Variants in KMT2D observed in about 807,000 individuals in gnomAD.
KMT2D encodes histone-lysine N-methyltransferase 2D.
Under a neutral mutation model 512.7 loss-of-function variants are expected in KMT2D, and 55 were observed. The ratio of observed to expected loss-of-function variants is 0.11; its 90% confidence interval spans 0.09 to 0.13. The LOEUF (loss-of-function observed/expected upper bound fraction) is 0.13. Among genes scored for constraint, KMT2D ranks in the 10% least tolerant of loss-of-function variants. The pLI is 1.00. For synonymous variants in KMT2D, 2,995 were observed against 2,904.0 expected (o/e 1.03, Z -1.01); for missense variants, 6,061 against 7,127.9 (o/e 0.85, Z 5.39).
At position 49,053,066 on chromosome 12, in the gene KMT2D, G is replaced by C; in HGVS notation, c.961C>G (p.Arg321Gly). ...CCCGCCCCACAGGCCCGGCACACCCGGCACGCCTAAGGGAAGGGAGTGGGC... is the reference window on the plus strand; with the variant it reads ...CCCGCCCCACAGGCCCGGCACACCCCGCACGCCTAAGGGAAGGGAGTGGGC... ...PAHSWKCKAC[R>G]VCRACGAGSA... Residue 321 changes from arginine (R) to glycine (G), a missense_variant, in exon 9 of 55, where the codon CGG becomes GGG. Arg to Gly is a moderately radical substitution (Grantham distance 125). Transcript: ENST00000301067. The C allele has an allele frequency of 6.2e-7, 1 of 1,614,022 alleles. No homozygotes were observed. Among genetic ancestry groups the C allele is most frequent in the Non-Finnish European group, 8.5e-7 (1 of 1,179,882 alleles).
rs1943476462 is a variant in KMT2D at position 49,040,776 on chromosome 12, T to C, written c.6994A>G (p.Thr2332Ala). Residue 2332 changes from threonine (T) to alanine (A), a missense_variant, in exon 32 of 55, where the codon ACC becomes GCC. Thr to Ala is a moderately conservative substitution (Grantham distance 58). This residue lies in a region of KMT2D where 710 missense variants were observed against 647.3 expected (regional missense o/e 1.10). Transcript: ENST00000301067. ...GGCTCTACCTGAGATGCCCGAGGGG[T>C]CAGGGGGGCTTTGAAGACATCAGGT... ...KTPDVFKAPL[T>A]PRASQVEPQS... is the part of the protein sequence containing the mutation. 4.3e-6 allele frequency: 7 copies of C among 1,612,414 alleles called. No homozygotes were observed. The highest frequency in any genetic ancestry group is 5.9e-6 in the Non-Finnish European group (7 of 1,179,470).
Position 49,054,416 on chromosome 12 carries a change from C to T in KMT2D, c.401G>A (p.Gly134Glu), listed in dbSNP as rs757959082. Residue 134 changes from glycine (G) to glutamate (E), a missense_variant and splice_region_variant, in exon 5 of 55, where the codon GGG becomes GAG. This residue lies in a region of KMT2D where 9 missense variants were observed against 31.6 expected (regional missense o/e 0.29). Coordinates refer to ENST00000301067, the MANE Select transcript of KMT2D (RefSeq NM_003482.4). This position sits in a 1 kb window ranked among gnomAD's most constrained non-coding sequence, Gnocchi z 6.4. ...LTPAHLGEPG[G>E]SCWAHHWCAA... ...ACACCAATGGTGAGCCCAGCAGGAC[C>T]CTTTACAGGTGGGAAGAGGTAAAGA... 6.3e-7 allele frequency: 1 copy of T among 1,583,224 alleles called. No homozygotes were observed. Among genetic ancestry groups the T allele is most frequent in the East Asian group, 2.3e-5 (1 of 43,250 alleles).
At position 49,022,360 on chromosome 12, in the gene KMT2D, A is replaced by T; in HGVS notation, c.16339-7T>A. ...ACATGTAGATGCCTCGATTCTAGAA[A>T]GGCAGAGGTTGCAGAAGAAGGGACA... On this transcript the variant is annotated splice_polypyrimidine_tract_variant and splice_region_variant and intron_variant, in intron 52 of 54. Transcript: ENST00000301067. This position sits in a 1 kb window ranked among gnomAD's most constrained non-coding sequence, Gnocchi z 8.6. 3 of 1,601,470 alleles carry T rather than the reference A, an allele frequency of 1.9e-6. No individual in the cohort carries two copies. The South Asian group carries it at 3.3e-5, about 18-fold the overall frequency.
Position 49,029,458 on chromosome 12 carries a change from C to T in KMT2D, c.14018G>A (p.Ser4673Asn). 1 of 1,555,986 alleles carries T rather than the reference C, an allele frequency of 6.4e-7. No homozygotes were observed. Residue 4673 changes from serine (S) to asparagine (N), a missense_variant, in exon 44 of 55, where the codon AGT becomes AAT. Physicochemically the swap from Ser to Asn is conservative, Grantham distance 46. Transcript: ENST00000301067. ...RALRDTSEVK[S>N]LDLLAALPTP... ...AGGCAAGGCAGCCAGCAGGTCTAGA[C>T]TCTTCACCTCTGAAGTATCTGAGGG...
intron 44 of KMT2D, 40 bp downstream of exon 44, chr12:49,029,361 C>G (rs1278805336): frequency 4.5e-6 from 7 of 1,556,164 alleles, no homozygotes; most frequent in Middle Eastern, 3.3e-4. Flanking sequence ...ACCTGTACCC[C>G]ACCCTTGTTC....
In KMT2D at chr12:49,042,699, GC is replaced by G; in HGVS notation, c.5782+41del. 6.2e-7 allele frequency: 1 copy of G among 1,609,048 alleles called. No individual in the cohort carries two copies. The highest frequency in any genetic ancestry group is 2.2e-5 in the East Asian group (1 of 44,768). On this transcript the variant is annotated intron_variant, in intron 27 of 54. Coordinates refer to ENST00000301067, the MANE Select transcript of KMT2D (RefSeq NM_003482.4). This position sits in a 1 kb window ranked among gnomAD's most constrained non-coding sequence, Gnocchi z 4.4. ...AGCAACTGGCCCATCCTGGAGGCAA[GC>G]TTGGTTATGTCAGTCTTCAGACCAC...
In KMT2D at chr12:49,038,985, G is replaced by C. The variant is rs1436173183; in HGVS notation, c.8371C>G (p.Leu2791Val). The C allele has an allele frequency of 6.4e-7, 1 of 1,551,888 alleles. No individual in the cohort carries two copies. The highest frequency in any genetic ancestry group is 1.2e-5 in the South Asian group (1 of 84,134). Reference protein sequence around the residue: ...PSSMDVNSRQLVGGSQAFYQR... With the variant: ...PSSMDVNSRQVVGGSQAFYQR... ...TAGAAAGCTTGGGAGCCTCCTACCA[G>C]TTGCCTGGAAGAATATACAGTAGTC... The change falls in exon 35 of 55, where the codon CTG (leucine) becomes GTG (valine). Residue 2791 changes from leucine (L) to valine (V), a missense_variant. Coordinates refer to ENST00000301067, the MANE Select transcript of KMT2D (RefSeq NM_003482.4). The surrounding 1 kb of genome is among the most constrained non-coding windows in gnomAD (Gnocchi z 5.7).
Position 49,054,093 on chromosome 12 carries a change from T to G in KMT2D, c.558A>C (p.Ser186=), listed in dbSNP as rs746898212. 6.2e-7 allele frequency: 1 copy of G among 1,613,500 alleles called. No homozygotes were observed. The highest frequency in any genetic ancestry group is 1.1e-5 in the South Asian group (1 of 91,010). ...TRLGASIPCR[S]PGCPRLYHFP... is the part of the protein sequence containing the mutation. ...AGTGGTAAAGCCGTGGACATCCAGG[T>G]GAGCGGCAAGGGATGGAGGCACCGA... The change falls in exon 6 of 55, where the codon TCA becomes TCC. Residue 186 remains serine, a synonymous_variant. Transcript: ENST00000301067. This position sits in a 1 kb window ranked among gnomAD's most constrained non-coding sequence, Gnocchi z 6.4.
Position 49,019,291 on chromosome 12 carries a change from G to A in KMT2D, c.*2489C>T, listed in dbSNP as rs944469173. 4.9e-5 allele frequency: 23 copies of A among 467,794 alleles called. No homozygotes were observed. The highest frequency in any genetic ancestry group is 1.3e-4 in the African/African-American group (6 of 46,618). The allele number at this position is 467,794 out of a possible 1,614,324, so 29.0% of individuals were successfully genotyped here. On this transcript the variant is annotated 3_prime_UTR_variant, in exon 55 of 55. Transcript: ENST00000301067. ...AAGGGGGAGGGTCCTGGAGGTGAGG[G>A]GAGAAGACTGTAAAGGGGAAAACTG...
Position 49,028,029 on chromosome 12 carries a change from T to C in KMT2D, c.14495A>G (p.Lys4832Arg), listed in dbSNP as rs1942695227. The change falls in exon 47 of 55, where the codon AAG (lysine) becomes AGG (arginine). Residue 4832 changes from lysine to arginine, a missense_variant. Coordinates refer to ENST00000301067, the MANE Select transcript of KMT2D (RefSeq NM_003482.4). The part of the protein sequence containing the change: ...SPARAGTEPK[K>R]GEAEGPGGKE... Reference sequence around the variant, plus strand: ...CTCACCAGGACCCTCAGCTTCCCCCTTCTTTGGCTCAGTGCCTGCCCGGGC... The same window carrying C: ...CTCACCAGGACCCTCAGCTTCCCCCCTCTTTGGCTCAGTGCCTGCCCGGGC... 6.2e-7 allele frequency: 1 copy of C among 1,613,274 alleles called. No individual in the cohort carries two copies. Among genetic ancestry groups the C allele is most frequent in the Non-Finnish European group, 8.5e-7 (1 of 1,179,596 alleles).
rs1242619895 is a variant in KMT2D at position 49,026,145 on chromosome 12, C to T, written c.15784+37G>A. 7.9e-6 allele frequency: 12 copies of T among 1,517,574 alleles called. No individual in the cohort carries two copies. The highest frequency in any genetic ancestry group is 4.2e-5 in the African/African-American group (3 of 71,784). The allele number at this position is 1,517,574 out of a possible 1,614,324, so 94.0% of individuals were successfully genotyped here. A position where few individuals can be genotyped will look rare whatever the true frequency, so the allele number is the denominator to read the frequency against. On this transcript the variant is annotated intron_variant, in intron 49 of 54. Transcript: ENST00000301067. The surrounding 1 kb of genome is among the most constrained non-coding windows in gnomAD (Gnocchi z 9.6). ...CAGTGACCCTGGGAGAAACTTTTCC[C>T]ATTCCATATTATCCATTTCAAGGGC...
At position 49,031,576 on chromosome 12, in the gene KMT2D, A is replaced by G; in HGVS notation, c.13129T>C (p.Trp4377Arg). ...TCTGCTAGGTTGTCTGGGGGATCCC[A>G]AGGTCCCAGACCCTTGCTAAACAAG... ...DTLFSKGLGP[W>R]DPPDNLAETQ... The change falls in exon 40 of 55, where the codon TGG becomes CGG. Residue 4377 changes from tryptophan (W) to arginine (R), a missense_variant. Coordinates refer to ENST00000301067, the MANE Select transcript of KMT2D (RefSeq NM_003482.4). 1.2e-6 allele frequency: 2 copies of G among 1,600,392 alleles called. No homozygotes were observed. Among genetic ancestry groups the G allele is most frequent in the Non-Finnish European group, 1.7e-6 (2 of 1,173,396 alleles).
rs78705398 is a variant in KMT2D at position 49,029,328 on chromosome 12, T to C, written c.14075+73A>G. On this transcript the variant is annotated intron_variant, in intron 44 of 54. Transcript: ENST00000301067. ...ATAGATGTCTTACTTGAAATCTCCATTGGCCAAAGGAAATATGAGGCAACC... is the reference window on the plus strand; with the variant it reads ...ATAGATGTCTTACTTGAAATCTCCACTGGCCAAAGGAAATATGAGGCAACC... 1.5e-4 allele frequency: 235 copies of C among 1,581,058 alleles called. 1 individual carries two copies. In the East Asian group the frequency reaches 2.5e-3, roughly 17 times the overall value.
In KMT2D at chr12:49,046,588, T is replaced by C. The variant is rs2120609029; in HGVS notation, c.4418+21A>G. On this transcript the variant is annotated intron_variant, in intron 16 of 54. Coordinates refer to ENST00000301067, the MANE Select transcript of KMT2D (RefSeq NM_003482.4). This position sits in a 1 kb window ranked among gnomAD's most constrained non-coding sequence, Gnocchi z 4.2. The stretch of plus-strand genomic sequence containing the variant: ...ACATCTCAAGGCCCCAGGGCTCCAC[T>C]GAAGATCCCAGTCTCCTTACCACTT... 1 of 1,602,186 alleles carries C rather than the reference T, an allele frequency of 6.2e-7. No homozygotes were observed. The highest frequency in any genetic ancestry group is 8.5e-7 in the Non-Finnish European group (1 of 1,171,998).
chr12:49,048,133 T>TA, intron 14 of KMT2D, 64 bp from the exon 15 acceptor site: 1 of 1,100,200 alleles, frequency 9.1e-7, no homozygotes, highest in Non-Finnish European at 1.4e-6. Flanking sequence ...AGATCCAGTC[T>TA]ACTATGACGC....
intron 1 of KMT2D, among the ~76,000 whole-genome samples, chr12:49,058,328 C>T (rs1565829464): frequency 6.6e-6 from 1 of 152,222 alleles, no homozygotes; most frequent in Non-Finnish European, 1.5e-5. Flanking sequence ...ATTGACAGCT[C>T]ACCTCACTCC....
intron 12 of KMT2D, 67 bp downstream of exon 12, chr12:49,049,615 G>A (rs1463306161): frequency 1.3e-5 from 19 of 1,466,944 alleles, no homozygotes; most frequent in Admixed American, 4.9e-5. Context: ...AAGTATCAGT[G>A]ACACAGGACT....
In KMT2D at chr12:49,032,087, G is replaced by A; in HGVS notation, c.12618C>T (p.Ala4206=). Residue 4206 remains alanine, a synonymous_variant, in exon 40 of 55, where the codon GCC becomes GCT. Coordinates refer to ENST00000301067, the MANE Select transcript of KMT2D (RefSeq NM_003482.4). ...QLRAQLQGVL[A]KNPQLRHLSP... is the part of the protein sequence containing the mutation. ...TTAAGTGCCGCAGCTGTGGGTTTTT[G>A]GCCAGGACTCCTTGGAGCTGTGCTC... is the stretch of plus-strand genomic sequence containing the variant. 1 of 1,613,802 alleles carries A rather than the reference G, an allele frequency of 6.2e-7. No individual in the cohort carries two copies. Among genetic ancestry groups the A allele is most frequent in the Non-Finnish European group, 8.5e-7 (1 of 1,179,812 alleles).
At position 49,054,025 on chromosome 12, in the gene KMT2D, G is replaced by A. The variant is rs373972024; in HGVS notation, c.626C>T (p.Thr209Ile). The A allele has an allele frequency of 2.2e-5, 35 of 1,613,848 alleles. No homozygotes were observed. The African/African-American group carries it at 4.4e-4, about 20-fold the overall frequency. The change falls in exon 6 of 55, where the codon ACA becomes ATA. Residue 209 changes from threonine (T) to isoleucine (I), a missense_variant. Coordinates refer to ENST00000301067, the MANE Select transcript of KMT2D (RefSeq NM_003482.4). This position sits in a 1 kb window ranked among gnomAD's most constrained non-coding sequence, Gnocchi z 6.4. Reference protein sequence around the residue: ...TASGSFLSMKTLQLLCPEHSE... With the variant: ...TASGSFLSMKILQLLCPEHSE... ...GTGCTCTGGGCATAGCAGCTGCAGT[G>A]TTTTCATGGATAGGAAGGAACCGCT...
Sources: gnomAD v4.1 joint callset for allele counts (sites outside exome capture counted in the v4.1 genomes callset) on GRCh38, gnomAD v4.1.1 for gene constraint, gnomAD v4.1.1 regional missense constraint, Gnocchi (gnomAD v3.1) non-coding constraint, MANE v1.5 for transcripts, NCBI Gene and HGNC (gene_info 2026-07-23, HGNC 2026-07-21) for gene names.